The following MSR1 variants were observed in gnomAD, a reference collection of about 807,000 sequenced individuals.
MSR1 encodes the protein macrophage scavenger receptor 1, also known as macrophage scavenger receptor types I and II.
A neutral mutation model predicts 47.2 loss-of-function variants in MSR1; 53 were observed. The observed-to-expected ratio is 1.12, with a 90% CI of 0.90 to 1.41. The LOEUF is 1.41. Ranked by LOEUF, MSR1 falls within the 40% of genes most tolerant of loss-of-function variation. The pLI, the probability that MSR1 is intolerant of heterozygous loss-of-function variation, is 0.00. For missense variants in MSR1, 786 were observed against 546.9 expected (o/e 1.44, Z -4.36); for synonymous variants, 239 against 185.6 (o/e 1.29, Z -2.34).
chr8:16,137,261 C>G (rs1375258323), intron 8 of MSR1, among the ~76,000 whole-genome samples: 3 of 151,928 alleles, frequency 2.0e-5, no homozygotes, highest in African/African-American at 7.3e-5. Context: ...AGACTAGAGG[C>G]AATAGCTGGA....
chr8:16,143,636 G>A, intron 7 of MSR1, 25 bp from the exon 8 acceptor site: 1 of 1,598,062 alleles, frequency 6.3e-7, no homozygotes, highest in Non-Finnish European at 8.6e-7. Flanking sequence ...AAAAATATTT[G>A]TTTTTAATCA....
intron 9 of MSR1, among the ~76,000 whole-genome samples, chr8:16,118,275 A>C (rs1334579528): frequency 6.6e-6 from 1 of 152,206 alleles, no homozygotes; most frequent in Non-Finnish European, 1.5e-5. Flanking sequence ...CCAGGTGACT[A>C]AGAGCATGGA....
At chr8:16,183,387 C>A (rs614439) in intron 1 of MSR1, among the ~76,000 whole-genome samples, 3 of 151,366 alleles carry the variant, frequency 2.0e-5, no homozygotes, top group Middle Eastern at 3.4e-3. Flanking sequence ...TATGTCACTA[C>A]AGCCTAAAGC....
chr8:16,189,651 TA>T (rs374749835), intron 1 of MSR1, among the ~76,000 whole-genome samples: 23,772 of 44,814 alleles, frequency 0.53, 9,180 homozygotes, highest in Middle Eastern at 0.62. Flanking sequence ...AATCTTATTT[TA>T]TATATATTTT....
chr8:16,155,037 A>G lies in MSR1; in HGVS notation c.898+27T>C, dbSNP rs751811603. On this transcript the variant is annotated intron_variant, in intron 6 of 9. Coordinates refer to ENST00000262101, the MANE Select transcript of MSR1 (RefSeq NM_138715.3). ...TGTATATCATCTATCTTCACAGTAT[A>G]TGATTAAATAGCTAAAATTACCATA... 1.6e-5 allele frequency: 25 copies of G among 1,570,602 alleles called. 1 individual carries two copies. The highest frequency in any genetic ancestry group is 3.4e-4 in the Middle Eastern group (2 of 5,946).
chr8:16,112,161 T>C (rs1435564042), intron 9 of MSR1, among the ~76,000 whole-genome samples: 1 of 152,178 alleles, frequency 6.6e-6, no homozygotes, highest in African/African-American at 2.4e-5. Flanking sequence ...GTGACAAATG[T>C]ATTGTGGAAT....
Position 16,139,762 on chromosome 8 carries a change from AAAAAAAAAAAAAATATAT to A in MSR1, c.1033+3778_1033+3795del, listed in dbSNP as rs1345086315. 3.0e-5 allele frequency: 5 copies of A among 165,530 alleles called. No homozygotes were observed. In the African/African-American group the frequency reaches 3.4e-4, roughly 11 times the overall value. The allele number at this position is 165,530 out of a possible 1,614,324, so 10.3% of individuals were successfully genotyped here. A position where few individuals can be genotyped will look rare whatever the true frequency, so the allele number is the denominator to read the frequency against. ...CTTCAAAACTTAAAAAAAAAAAAAA[AAAAAAAAAAAAAATATAT>A]ATATATATATATATATATATATATA... is the stretch of plus-strand genomic sequence containing the variant. On this transcript the variant is annotated intron_variant, in intron 8 of 9. Transcript: ENST00000262101.
Position 16,155,106 on chromosome 8 carries a change from G to T in MSR1, c.856C>A (p.Pro286Thr), listed in dbSNP as rs73665227. The T allele has an allele frequency of 1.2e-4, 200 of 1,612,246 alleles. No individual in the cohort carries two copies. In the African/African-American group the frequency reaches 2.5e-3, roughly 20 times the overall value. ...GPPGEKGDRG[P>T]TGESGPRGFP... Reference sequence around the variant, plus strand: ...CCTCGTGGACCACTTTCTCCAGTGGGACCTCGATCTCCTTTTTCACCCGGG... The same window carrying T: ...CCTCGTGGACCACTTTCTCCAGTGGTACCTCGATCTCCTTTTTCACCCGGG... Residue 286 changes from proline to threonine, a missense_variant, in exon 6 of 10, where the codon CCC becomes ACC. By Grantham distance (38) the Pro-to-Thr change is conservative. Transcript: ENST00000262101.
intron 1 of MSR1, among the ~76,000 whole-genome samples, chr8:16,189,211 A>T (rs900645755): frequency 7.3e-6 from 1 of 137,576 alleles, no homozygotes; most frequent in Non-Finnish European, 1.5e-5. Flanking sequence ...TTTTATATAT[A>T]TTTCATATAT....
chr8:16,145,887 G>C (rs1800683014), intron 7 of MSR1, among the ~76,000 whole-genome samples: 1 of 152,012 alleles, frequency 6.6e-6, no homozygotes, highest in Non-Finnish European at 1.5e-5. Context: ...GCAAGGGCTT[G>C]GTCCAAACCT....
At chr8:16,188,518 G>C (rs1585203381) in intron 1 of MSR1, among the ~76,000 whole-genome samples, 1 of 151,666 alleles carries the variant, frequency 6.6e-6, no homozygotes, top group Admixed American at 6.6e-5. Context: ...TTATTCTTTA[G>C]GTTCTGGGAT....
At chr8:16,179,456 C>A (rs567697295) in intron 1 of MSR1, among the ~76,000 whole-genome samples, 16 of 152,086 alleles carry the variant, frequency 1.1e-4, no homozygotes, top group Non-Finnish European at 1.8e-4. Flanking sequence ...ATTGTCATTG[C>A]GAACTGCCAA....
At position 16,138,380 on chromosome 8, in the gene MSR1, G is replaced by C. The variant is rs143285471; in HGVS notation, c.1033+5178C>G. On this transcript the variant is annotated intron_variant, in intron 8 of 9. Coordinates refer to ENST00000262101, the MANE Select transcript of MSR1 (RefSeq NM_138715.3). ...ACGATTCACTATGACTAGCGTTAGA[G>C]CTTAGTGAAGGCTTCTTTTCTCTTC... is the stretch of plus-strand genomic sequence containing the variant. Among the ~76,000 whole-genome samples, 229 of 152,282 alleles carry C rather than the reference G, an allele frequency of 1.5e-3. 1 individual carries two copies. The highest frequency in any genetic ancestry group is 5.0e-3 in the African/African-American group (207 of 41,574).
At chr8:16,189,256 CTTAT>C (rs1338138597) in intron 1 of MSR1, among the ~76,000 whole-genome samples, 1 of 98,498 alleles carries the variant, frequency 1.0e-5, no homozygotes, top group Non-Finnish European at 1.8e-5. Flanking sequence ...TAGATATAAT[CTTAT>C]TTTATTTATA....
chr8:16,176,402 G>T (rs942211124), intron 2 of MSR1, among the ~76,000 whole-genome samples: 2 of 151,804 alleles, frequency 1.3e-5, no homozygotes, highest in African/African-American at 4.8e-5. Context: ...AGATACTTAC[G>T]AGGCTGAGGT....
At chr8:16,168,962 T>C (rs966561747) in intron 3 of MSR1, 92 bp from the exon 4 acceptor site, 4 of 1,257,214 alleles carry the variant, frequency 3.2e-6, no homozygotes, top group Non-Finnish European at 4.5e-6. Flanking sequence ...GTTCATTTTA[T>C]TCCATTCCAT....
chr8:16,162,362 T>C (rs138882089), intron 5 of MSR1, among the ~76,000 whole-genome samples: 101 of 152,166 alleles, frequency 6.6e-4, no homozygotes, highest in African/African-American at 2.3e-3. Flanking sequence ...CTTGATCAAT[T>C]TACTTTCACT....
At chr8:16,123,735 A>T (rs1800064120) in intron 8 of MSR1, among the ~76,000 whole-genome samples, 1 of 152,146 alleles carries the variant, frequency 6.6e-6, no homozygotes, top group African/African-American at 2.4e-5. Context: ...AAAAAACAGA[A>T]ACAGAAACTA....
At chr8:16,133,319 G>A (rs1800308596) in intron 8 of MSR1, among the ~76,000 whole-genome samples, 1 of 152,222 alleles carries the variant, frequency 6.6e-6, no homozygotes, top group South Asian at 2.1e-4. Context: ...AAAAATTGGT[G>A]TCCTTTAAAA....
Sources: allele counts gnomAD v4.1 joint callset (sites outside exome capture counted in the v4.1 genomes callset), GRCh38; gene constraint gnomAD v4.1.1; transcripts MANE v1.5; gene names NCBI Gene and HGNC (gene_info 2026-07-23, HGNC 2026-07-21).